VPS39: variants seen among roughly 807,000 people sequenced by gnomAD.
VPS39 encodes vam6/Vps39-like protein.
In VPS39, 70 loss-of-function variants were observed where a neutral mutation model predicts 121.0. The ratio of observed to expected loss-of-function variants is 0.58; its 90% CI spans 0.48 to 0.71. The LOEUF (loss-of-function observed/expected upper bound fraction) is 0.71. Among genes scored for constraint, VPS39 ranks in the 30% least tolerant of loss-of-function variants. The pLI, the probability that VPS39 is intolerant of heterozygous loss-of-function variation, is 0.00. For synonymous variants in VPS39, 378 were observed against 398.1 expected (o/e 0.95, Z 0.60); for missense variants, 818 against 1,051.5 (o/e 0.78, Z 3.07).
rs2049150714 is a variant in VPS39, at chr15:42,162,477, T to C, written c.2180A>G (p.Tyr727Cys). 1 of 1,598,926 alleles carries C rather than the reference T, an allele frequency of 6.3e-7. No homozygotes were observed. Among genetic ancestry groups the C allele is most frequent in the Non-Finnish European group, 8.5e-7 (1 of 1,169,950 alleles). ...DRNKDGNKDVYLSLLRMYLSP... is the reference protein window; with the variant it reads ...DRNKDGNKDVCLSLLRMYLSP... ...CAGGTACATCCGAAGCAGGGACAGA[T>C]ACACCTGTCTCAGAGAGACATGAGC... is the stretch of plus-strand genomic sequence containing the variant. The change falls in exon 22 of 25, where the codon TAT becomes TGT. Residue 727 changes from tyrosine to cysteine, a missense_variant. Tyr to Cys is a radical substitution (Grantham distance 194). Transcript: ENST00000318006.
At chr15:42,162,235 C>T (rs1339521778) in intron 22 of VPS39, 69 bp from the exon 23 acceptor site, 2 of 1,607,014 alleles carry the variant, frequency 1.2e-6, no homozygotes, top group South Asian at 2.2e-5. Context: ...ATGTCTGCAG[C>T]CGTGGAGCTC....
chr15:42,176,795 A>G (rs1425961113), intron 10 of VPS39, among the ~76,000 whole-genome samples: 1 of 152,214 alleles, frequency 6.6e-6, no homozygotes, highest in African/African-American at 2.4e-5. Flanking sequence ...CTTTCCTTTT[A>G]GAAATAGTTT....
intron 11 of VPS39, among the ~76,000 whole-genome samples, chr15:42,173,289 C>G (rs1487180160): frequency 6.6e-6 from 1 of 152,164 alleles, no homozygotes; most frequent in East Asian, 1.9e-4. Context: ...TGCTCCTCGC[C>G]ACTACACTCA....
Position 42,208,163 on chromosome 15 carries a change from G to A in VPS39, c.-10C>T. On this transcript the variant is annotated 5_prime_UTR_variant, in exon 1 of 25. Transcript: ENST00000318006. Reference sequence around the variant, plus strand: ...CGAAAGCGTCGTGCATGGCGGCAAGGGGAGAGTTGCCACCGCCGTCTCGCC... The same window carrying A: ...CGAAAGCGTCGTGCATGGCGGCAAGAGGAGAGTTGCCACCGCCGTCTCGCC... 2.6e-6 allele frequency: 4 copies of A among 1,565,952 alleles called. No individual in the cohort carries two copies. Among genetic ancestry groups the A allele is most frequent in the South Asian group, 1.2e-5 (1 of 85,082 alleles).
At chr15:42,200,491 C>G (rs73407407) in intron 1 of VPS39, among the ~76,000 whole-genome samples, 1 of 151,942 alleles carries the variant, frequency 6.6e-6, no homozygotes, top group Non-Finnish European at 1.5e-5. Context: ...AAATAAATGA[C>G]GTAACATAAT....
chr15:42,160,840 GA>G lies in VPS39; in HGVS notation c.2553-12del. 1.2e-6 allele frequency: 2 copies of G among 1,614,018 alleles called. No homozygotes were observed. Among genetic ancestry groups the G allele is most frequent in the Non-Finnish European group, 1.7e-6 (2 of 1,179,898 alleles). ...TATCTTGCAAATGCACTGCAGGGAA[GA>G]AAATGGCTTGGGAGTGAGGACTGCT... On this transcript the variant is annotated splice_polypyrimidine_tract_variant and intron_variant, in intron 24 of 24. Coordinates refer to ENST00000318006, the MANE Select transcript of VPS39 (RefSeq NM_015289.5).
intron 10 of VPS39, among the ~76,000 whole-genome samples, chr15:42,177,493 A>G (rs947675685): frequency 2.6e-5 from 4 of 152,182 alleles, no homozygotes; most frequent in Admixed American, 2.6e-4. Context: ...AAGAAAGCCT[A>G]CTTATCCAAA....
chr15:42,165,832 C>T lies in VPS39; in HGVS notation c.1681-16G>A, dbSNP rs541014371. ...CAGTAAATATCTGTTAGAATGAACC[C>T]GAGTTCCAGCAGCAGAACCATCTGA... On this transcript the variant is annotated splice_polypyrimidine_tract_variant and intron_variant, in intron 16 of 24. Transcript: ENST00000318006. 23 of 1,609,282 alleles carry T rather than the reference C, an allele frequency of 1.4e-5. No homozygotes were observed. The highest frequency in any genetic ancestry group is 2.2e-5 in the East Asian group (1 of 44,856).
chr15:42,193,510 C>T (rs1384336421), intron 2 of VPS39, among the ~76,000 whole-genome samples: 3 of 152,074 alleles, frequency 2.0e-5, no homozygotes, highest in South Asian at 2.1e-4. Context: ...TTTTCTGTTA[C>T]GTAAAAAAAC....
intron 14 of VPS39, 44 bp from the exon 15 acceptor site, chr15:42,166,693 C>T (rs761676606): frequency 2.6e-5 from 42 of 1,613,920 alleles, no homozygotes; most frequent in South Asian, 4.4e-5. Context: ...CTTTTCCCCA[C>T]GGGAGATTTC....
At chr15:42,189,055 T>C in intron 5 of VPS39, 59 bp downstream of exon 5, 1 of 1,198,034 alleles carries the variant, frequency 8.3e-7, no homozygotes, top group Non-Finnish European at 1.2e-6. Flanking sequence ...GTAGGAATGA[T>C]GTAGGAAAGA....
At chr15:42,203,343 G>C (rs1295283458) in intron 1 of VPS39, among the ~76,000 whole-genome samples, 1 of 152,076 alleles carries the variant, frequency 6.6e-6, no homozygotes, top group Non-Finnish European at 1.5e-5. Flanking sequence ...ATGGTGGTGT[G>C]TGTGCCTGTA....
At chr15:42,181,256 G>C (rs564427138) in intron 8 of VPS39, among the ~76,000 whole-genome samples, 2 of 152,266 alleles carry the variant, frequency 1.3e-5, no homozygotes, top group East Asian at 3.9e-4. Flanking sequence ...TAAAAAGGAA[G>C]GCATGAACCT....
intron 10 of VPS39, among the ~76,000 whole-genome samples, chr15:42,175,727 G>A (rs939006373): frequency 4.0e-5 from 6 of 151,832 alleles, no homozygotes; most frequent in Non-Finnish European, 8.8e-5. Flanking sequence ...AAAACCTGGT[G>A]CCAGCTTCCT....
intron 24 of VPS39, chr15:42,161,295 GTC>G (rs897723499): frequency 2.6e-6 from 1 of 382,908 alleles, no homozygotes; most frequent in African/African-American, 2.1e-5. Context: ...CACAGTATGA[GTC>G]TGGCTCAGGA....
intron 1 of VPS39, among the ~76,000 whole-genome samples, chr15:42,202,323 C>T (rs1415718400): frequency 1.3e-5 from 2 of 151,998 alleles, no homozygotes; most frequent in East Asian, 3.9e-4. Flanking sequence ...AGGCAGGTCA[C>T]ACACAAAAAA....
At position 42,164,432 on chromosome 15, in the gene VPS39, T is replaced by G; in HGVS notation, c.1952A>C (p.Gln651Pro). 1.2e-6 allele frequency: 2 copies of G among 1,614,186 alleles called. No individual in the cohort carries two copies. Among genetic ancestry groups the G allele is most frequent in the South Asian group, 2.2e-5 (2 of 91,078 alleles). Residue 651 changes from glutamine (Q) to proline (P), a missense_variant, in exon 19 of 25, where the codon CAA becomes CCA. Transcript: ENST00000318006. The stretch of plus-strand genomic sequence containing the variant: ...AATCTCCAAGAACATGAGGAGCTTT[T>G]GCCGGTATTCTCCCAGCTCACCCTC... ...EEEGELGEYR[Q>P]KLLMFLEISS...
intron 22 of VPS39, 70 bp from the exon 23 acceptor site, chr15:42,162,236 C>G: frequency 3.7e-6 from 6 of 1,607,332 alleles, no homozygotes; most frequent in Non-Finnish European, 5.1e-6. Flanking sequence ...TGTCTGCAGC[C>G]GTGGAGCTCT....
intron 11 of VPS39, among the ~76,000 whole-genome samples, chr15:42,171,070 C>T (rs779528232): frequency 1.3e-5 from 2 of 152,036 alleles, no homozygotes; most frequent in Non-Finnish European, 2.9e-5. Context: ...CTGTAAGTAG[C>T]CAACATATCC....
Sources: allele counts gnomAD v4.1 joint callset (sites outside exome capture counted in the v4.1 genomes callset), GRCh38; gene constraint gnomAD v4.1.1; transcripts MANE v1.5; gene names NCBI Gene and HGNC (gene_info 2026-07-23, HGNC 2026-07-21).